ORC2: variants seen among roughly 807,000 people sequenced by gnomAD.
The protein encoded by ORC2 is origin recognition complex protein 2 homolog.
Under a neutral mutation model 77.7 loss-of-function variants are expected in ORC2, and 37 were observed. That is an observed-to-expected ratio of 0.48 (90% confidence interval 0.37 to 0.63). ORC2 has a LOEUF of 0.63. Ranked by LOEUF, ORC2 falls within the 20% of genes least tolerant of loss-of-function variation. The pLI, the probability that ORC2 is intolerant of heterozygous loss-of-function variation, is 0.00. For missense variants in ORC2, 557 were observed against 661.9 expected, an observed-to-expected ratio of 0.84 and a Z score of 1.74; for synonymous variants, 201 against 229.5, an observed-to-expected ratio of 0.88 and a Z score of 1.12.
At position 200,911,057 on chromosome 2, in the gene ORC2, G is replaced by C. The variant is rs2040541354; in HGVS notation, c.*244C>G. 2.7e-6 allele frequency: 1 copy of C among 365,720 alleles called. No individual in the cohort carries two copies. Among genetic ancestry groups the C allele is most frequent in the South Asian group, 5.3e-5 (1 of 18,762 alleles). The allele number at this position is 365,720 out of a possible 1,614,324, so 22.7% of individuals were successfully genotyped here. On this transcript the variant is annotated 3_prime_UTR_variant, in exon 18 of 18. Coordinates refer to ENST00000234296, the MANE Select transcript of ORC2 (RefSeq NM_006190.5). ...AGCACACTGTTCATTCCAGCAAGAA[G>C]TCTCCAGAGAGGTAATGAATGAAAG...
intron 13 of ORC2, among the ~76,000 whole-genome samples, chr2:200,925,610 A>G (rs2040827114): frequency 6.6e-6 from 1 of 152,124 alleles, no homozygotes; most frequent in Non-Finnish European, 1.5e-5. Flanking sequence ...ATAATGGCAC[A>G]CGCCTGTGAT....
At chr2:200,941,199 T>C (rs1330031761) in intron 7 of ORC2, 49 bp downstream of exon 7, 3 of 1,478,052 alleles carry the variant, frequency 2.0e-6, no homozygotes, top group Non-Finnish European at 2.8e-6. Flanking sequence ...TTTTTCATCA[T>C]GTCTTACTTT....
chr2:200,941,215 A>G (rs1273553048), intron 7 of ORC2, 33 bp downstream of exon 7: 4 of 1,587,024 alleles, frequency 2.5e-6, no homozygotes, highest in Non-Finnish European at 2.6e-6. Flanking sequence ...ACTTTGTAAC[A>G]CTAAGGCTTT....
intron 5 of ORC2, among the ~76,000 whole-genome samples, chr2:200,945,104 C>G (rs972638642): frequency 3.9e-5 from 6 of 152,190 alleles, no homozygotes; most frequent in African/African-American, 1.4e-4. Context: ...CTGTCTGGCC[C>G]TTTACAGAAA....
chr2:200,940,227 G>A (rs1429198825), intron 7 of ORC2, among the ~76,000 whole-genome samples: 1 of 152,186 alleles, frequency 6.6e-6, no homozygotes, highest in Admixed American at 6.5e-5. Context: ...GACAATTAAA[G>A]AGGGTTGCCT....
At chr2:200,955,384 T>C (rs1245717322) in intron 4 of ORC2, among the ~76,000 whole-genome samples, 1 of 152,200 alleles carries the variant, frequency 6.6e-6, no homozygotes, top group African/African-American at 2.4e-5. Context: ...ATGGAGTATA[T>C]GACTCTACCC....
intron 17 of ORC2, 60 bp from the exon 18 acceptor site, chr2:200,911,447 A>G: frequency 1.1e-6 from 1 of 887,874 alleles, no homozygotes; most frequent in Non-Finnish European, 1.8e-6. Flanking sequence ...GAACTCTTCT[A>G]TTGTAGAGGC....
rs2040534940 is a variant in ORC2, at chr2:200,910,591, G to A, written c.*710C>T. On this transcript the variant is annotated 3_prime_UTR_variant, in exon 18 of 18. Transcript: ENST00000234296. The stretch of plus-strand genomic sequence containing the variant: ...TTCTCACTGGTATCATGAAGGTCAT[G>A]GCACAGACAATAACTGTTCCAAATA... 1 of 152,168 alleles carries A rather than the reference G, an allele frequency of 6.6e-6. No individual in the cohort carries two copies. The allele number at this position is 152,168 out of a possible 1,614,324, so 9.4% of individuals were successfully genotyped here.
At chr2:200,940,450 G>A (rs985624890) in intron 7 of ORC2, among the ~76,000 whole-genome samples, 2 of 152,012 alleles carry the variant, frequency 1.3e-5, no homozygotes, top group African/African-American at 4.8e-5. Flanking sequence ...TTGCATATAT[G>A]GCCCTTTCAT....
chr2:200,911,502 A>G (rs1189562054), intron 17 of ORC2, 115 bp from the exon 18 acceptor site: 3 of 596,674 alleles, frequency 5.0e-6, no homozygotes, highest in Non-Finnish European at 8.7e-6. Flanking sequence ...TTTTAAATAT[A>G]TAAGTATAAA....
intron 14 of ORC2, among the ~76,000 whole-genome samples, chr2:200,920,608 A>G (rs2040739206): frequency 6.6e-6 from 1 of 152,214 alleles, no homozygotes; most frequent in African/African-American, 2.4e-5. Flanking sequence ...ATAAATTAAA[A>G]TCTTAGCACT....
chr2:200,919,102 T>C (rs1348760388), intron 15 of ORC2, among the ~76,000 whole-genome samples: 1 of 152,204 alleles, frequency 6.6e-6, no homozygotes, highest in Non-Finnish European at 1.5e-5. Flanking sequence ...AGTGTTGGGA[T>C]TACAGGCTTG....
In ORC2 at chr2:200,941,240, T is replaced by C; in HGVS notation, c.453+8A>G. On this transcript the variant is annotated splice_region_variant and intron_variant, in intron 7 of 17. Transcript: ENST00000234296. Reference sequence around the variant, plus strand: ...ACTAAGGCTTTTGCTTTTTAGTCAATTGCTTACCTTCGGTTGAACCTTGTC... The same window carrying C: ...ACTAAGGCTTTTGCTTTTTAGTCAACTGCTTACCTTCGGTTGAACCTTGTC... 6.2e-7 allele frequency: 1 copy of C among 1,608,602 alleles called. No individual in the cohort carries two copies. The highest frequency in any genetic ancestry group is 8.5e-7 in the Non-Finnish European group (1 of 1,176,010).
intron 15 of ORC2, among the ~76,000 whole-genome samples, chr2:200,914,383 G>T (rs1042179423): frequency 6.6e-6 from 1 of 152,050 alleles, no homozygotes; most frequent in Non-Finnish European, 1.5e-5. Context: ...AGCCAGGATG[G>T]TCTCGATCTC....
chr2:200,963,646 G>C lies in ORC2; in HGVS notation c.-216C>G. 1 of 398,554 alleles carries C rather than the reference G, an allele frequency of 2.5e-6. No individual in the cohort carries two copies. Among genetic ancestry groups the C allele is most frequent in the Admixed American group, 4.4e-5 (1 of 22,736 alleles). The allele number at this position is 398,554 out of a possible 1,614,324, so 24.7% of individuals were successfully genotyped here. ...CACCGGGGAGGTAAGGAGCACCGGA[G>C]GCCAGCTGGGGGATGGGAAGCCTGC... On this transcript the variant is annotated 5_prime_UTR_variant, in exon 1 of 18. Coordinates refer to ENST00000234296, the MANE Select transcript of ORC2 (RefSeq NM_006190.5).
chr2:200,932,925 T>C (rs2040968381), intron 10 of ORC2, among the ~76,000 whole-genome samples: 1 of 152,198 alleles, frequency 6.6e-6, no homozygotes, highest in Admixed American at 6.5e-5. Context: ...CTACTGAAGA[T>C]TGTATTGGTT....
At chr2:200,914,263 T>C (rs1260391157) in intron 15 of ORC2, among the ~76,000 whole-genome samples, 3 of 151,816 alleles carry the variant, frequency 2.0e-5, no homozygotes, top group Admixed American at 2.0e-4. Context: ...CCTCCCGGGT[T>C]CACGCCATTC....
intron 2 of ORC2, among the ~76,000 whole-genome samples, 181 bp from the exon 3 acceptor site, chr2:200,958,314 T>A (rs752944681): frequency 1.1e-4 from 16 of 152,192 alleles, no homozygotes; most frequent in Non-Finnish European, 1.6e-4. Flanking sequence ...CAATTCTTTA[T>A]CTAAAAAATT....
intron 17 of ORC2, 35 bp downstream of exon 17, chr2:200,913,260 T>A (rs1466853257): frequency 1.3e-6 from 2 of 1,488,746 alleles, no homozygotes; most frequent in Non-Finnish European, 1.8e-6. Context: ...TACGGACTAT[T>A]CCTGGCATAC....
Sources: gnomAD v4.1 joint callset for allele counts (sites outside exome capture counted in the v4.1 genomes callset) on GRCh38, gnomAD v4.1.1 for gene constraint, MANE v1.5 for transcripts, NCBI Gene and HGNC (gene_info 2026-07-23, HGNC 2026-07-21) for gene names.